Variants in SORCS3 observed in about 807,000 individuals in gnomAD.
SORCS3 encodes the protein VPS10 domain-containing receptor SorCS3.
A neutral mutation model predicts 146.3 loss-of-function variants in SORCS3; 57 were observed. That is an observed-to-expected ratio of 0.39 (90% CI 0.31 to 0.49). The LOEUF is 0.49. SORCS3 is among the 20% of genes least tolerant of loss of function. SORCS3 has a pLI of 0.92. For synonymous variants in SORCS3, 653 were observed against 618.5 expected, an observed-to-expected ratio of 1.06 and a Z score of -0.83; for missense variants, 1,341 against 1,575.5, an observed-to-expected ratio of 0.85 and a Z score of 2.52.
intron 7 of SORCS3, among the ~76,000 whole-genome samples, chr10:105,123,696 C>A (rs566690181): frequency 8.9e-4 from 136 of 152,174 alleles, no homozygotes; most frequent in Non-Finnish European, 1.5e-3. Context: ...GGTAATTACC[C>A]ACTATGATAA....
intron 14 of SORCS3, among the ~76,000 whole-genome samples, chr10:105,184,795 C>T (rs1186769860): frequency 2.0e-5 from 3 of 152,058 alleles, no homozygotes; most frequent in Non-Finnish European, 2.9e-5. Flanking sequence ...ACCTTTTGTT[C>T]TTTTGTGAGT....
chr10:104,964,025 G>T (rs2054812373), intron 3 of SORCS3, among the ~76,000 whole-genome samples: 1 of 151,976 alleles, frequency 6.6e-6, no homozygotes, highest in Non-Finnish European at 1.5e-5. Context: ...CTTGGTGCAG[G>T]CCATTCATCT....
At chr10:105,215,022 A>G (rs2056656981) in intron 18 of SORCS3, among the ~76,000 whole-genome samples, 1 of 152,236 alleles carries the variant, frequency 6.6e-6, no homozygotes, top group South Asian at 2.1e-4. Context: ...CCCACTGATT[A>G]GAAAAGCCCA....
At chr10:104,883,981 G>GT (rs1554856928) in intron 2 of SORCS3, among the ~76,000 whole-genome samples, 4 of 151,634 alleles carry the variant, frequency 2.6e-5, no homozygotes, top group Non-Finnish European at 4.4e-5. Context: ...GGAATGAGGG[G>GT]GGGGAAAGGG....
intron 2 of SORCS3, among the ~76,000 whole-genome samples, chr10:104,863,781 C>T (rs1564700978): frequency 2.0e-5 from 3 of 152,162 alleles, no homozygotes; most frequent in African/African-American, 4.8e-5. Context: ...GTTTTCTGCT[C>T]TGTAGCATAT....
At chr10:104,655,604 C>T (rs966704765) in intron 1 of SORCS3, among the ~76,000 whole-genome samples, 1 of 152,140 alleles carries the variant, frequency 6.6e-6, no homozygotes, top group African/African-American at 2.4e-5. Context: ...GCCCAAATCT[C>T]ATGTTAAATT....
chr10:104,952,415 C>G (rs775084252), intron 3 of SORCS3, among the ~76,000 whole-genome samples: 4 of 152,062 alleles, frequency 2.6e-5, no homozygotes, highest in Non-Finnish European at 5.9e-5. Flanking sequence ...GAATCTCACA[C>G]TCTTCTACAT....
chr10:104,828,039 T>C (rs1391490448), intron 1 of SORCS3, among the ~76,000 whole-genome samples: 1 of 152,208 alleles, frequency 6.6e-6, no homozygotes, highest in African/African-American at 2.4e-5. Context: ...GGTTTGATCT[T>C]CTGTCACTAA....
intron 19 of SORCS3, among the ~76,000 whole-genome samples, chr10:105,220,050 C>A (rs1307255060): frequency 6.6e-6 from 1 of 152,084 alleles, no homozygotes; most frequent in African/African-American, 2.4e-5. Flanking sequence ...GTTAGCTGCC[C>A]AAAATAACCA....
intron 22 of SORCS3, among the ~76,000 whole-genome samples, chr10:105,250,216 C>T (rs376921273): frequency 1.2e-4 from 18 of 152,160 alleles, no homozygotes; most frequent in African/African-American, 4.3e-4. Flanking sequence ...GACCTAATCA[C>T]CTCTCAAGGC....
At chr10:105,061,451 C>T (rs12718336) in intron 5 of SORCS3, among the ~76,000 whole-genome samples, 8,931 of 151,524 alleles carry the variant, frequency 0.059, 288 homozygotes, top group Middle Eastern at 0.089. Flanking sequence ...CCTGCCACCA[C>T]ACCTGGCTAA....
intron 10 of SORCS3, 137 bp downstream of exon 10, chr10:105,157,421 A>G: frequency 9.9e-7 from 1 of 1,008,172 alleles, no homozygotes; most frequent in Non-Finnish European, 1.4e-6. Context: ...CTTGCAGGGC[A>G]TTGGTGTGTG....
intron 14 of SORCS3, among the ~76,000 whole-genome samples, chr10:105,178,740 A>C (rs749817778): frequency 2.0e-5 from 3 of 152,178 alleles, no homozygotes; most frequent in Non-Finnish European, 4.4e-5. Flanking sequence ...ATGTGTGCAC[A>C]TGTGTACATG....
chr10:104,648,603 A>G (rs2015523658), intron 1 of SORCS3, among the ~76,000 whole-genome samples: 1 of 152,192 alleles, frequency 6.6e-6, no homozygotes, highest in African/African-American at 2.4e-5. Context: ...ATGTTGGACA[A>G]GCTGTATCTT....
At position 104,902,657 on chromosome 10, in the gene SORCS3, C is replaced by A. The variant is rs1316695466; in HGVS notation, c.696-13176C>A. On this transcript the variant is annotated intron_variant, in intron 2 of 26. Transcript: ENST00000369701. ...ATCTTGTGAAGTCATTGTTATTTTC[C>A]AGAGGAGAAACAGGGAATGGTGGTA... Among the ~76,000 whole-genome samples, 3 of 152,146 alleles carry A rather than the reference C, an allele frequency of 2.0e-5. No individual in the cohort carries two copies. In the South Asian group the frequency reaches 6.2e-4, roughly 31 times the overall value.
intron 4 of SORCS3, among the ~76,000 whole-genome samples, chr10:104,990,385 A>G (rs1325003331): frequency 6.6e-6 from 1 of 152,244 alleles, no homozygotes; most frequent in African/African-American, 2.4e-5. Context: ...TCATCTCCCA[A>G]ATAAACTACT....
intron 13 of SORCS3, 113 bp from the exon 14 acceptor site, chr10:105,177,953 C>A: frequency 2.8e-6 from 2 of 722,976 alleles, no homozygotes; most frequent in Admixed American, 2.7e-5. Flanking sequence ...TATTGATAAT[C>A]CACACTGCCA....
At chr10:105,169,204 T>C (rs188083868) in intron 13 of SORCS3, among the ~76,000 whole-genome samples, 329 of 152,276 alleles carry the variant, frequency 2.2e-3, no homozygotes, top group African/African-American at 7.6e-3. Flanking sequence ...CCAAGTTCGA[T>C]TTCTGTCATG....
At chr10:105,027,683 A>G (rs375404494) in intron 4 of SORCS3, among the ~76,000 whole-genome samples, 2 of 152,192 alleles carry the variant, frequency 1.3e-5, no homozygotes, top group South Asian at 2.1e-4. Flanking sequence ...TTCTGGCTCC[A>G]GCTCTGATGC....
Sources: allele counts gnomAD v4.1 joint callset (sites outside exome capture counted in the v4.1 genomes callset), GRCh38; gene constraint gnomAD v4.1.1; transcripts MANE v1.5; gene names NCBI Gene and HGNC (gene_info 2026-07-23, HGNC 2026-07-21).